The following ADAMTS12 variants were observed in gnomAD, a reference collection of about 807,000 sequenced individuals.
ADAMTS12 encodes A disintegrin and metalloproteinase with thrombospondin motifs 12.
A neutral mutation model predicts 167.8 loss-of-function variants in ADAMTS12; 118 were observed. That is an observed-to-expected ratio of 0.70 (90% CI 0.61 to 0.82). The LOEUF (loss-of-function observed/expected upper bound fraction) is 0.82. Among genes scored for constraint, ADAMTS12 ranks in the 40% least tolerant of loss-of-function variants. The pLI is 0.00. For synonymous variants in ADAMTS12, 704 were observed against 716.9 expected (o/e 0.98, Z 0.29); for missense variants, 1,916 against 1,998.8 (o/e 0.96, Z 0.79).
chr5:33,695,347 A>G (rs981483310), intron 3 of ADAMTS12, among the ~76,000 whole-genome samples: 9 of 152,218 alleles, frequency 5.9e-5, no homozygotes, highest in Non-Finnish European at 1.5e-5. Context: ...ATTTTTATCA[A>G]GTATTTTTTC....
At chr5:33,552,496 C>G (rs1342143297) in intron 20 of ADAMTS12, among the ~76,000 whole-genome samples, 1 of 152,196 alleles carries the variant, frequency 6.6e-6, no homozygotes, top group East Asian at 1.9e-4. Flanking sequence ...TACTTTCTTC[C>G]TCTCAAAGTT....
At chr5:33,644,580 T>C (rs1740589791) in intron 9 of ADAMTS12, among the ~76,000 whole-genome samples, 1 of 152,166 alleles carries the variant, frequency 6.6e-6, no homozygotes, top group South Asian at 2.1e-4. Flanking sequence ...AGTTCATTCT[T>C]ATATATTTAT....
chr5:33,717,917 A>AC (rs144917704), intron 3 of ADAMTS12, among the ~76,000 whole-genome samples: 3,937 of 152,324 alleles, frequency 0.026, 171 homozygotes, highest in African/African-American at 0.091. Flanking sequence ...CATAGCTGTG[A>AC]CCCACACTAC....
chr5:33,571,925 G>C (rs571400460), intron 19 of ADAMTS12, among the ~76,000 whole-genome samples: 11 of 152,294 alleles, frequency 7.2e-5, no homozygotes, highest in Non-Finnish European at 1.2e-4. Flanking sequence ...TATCACCACT[G>C]ATCCCACAGA....
At chr5:33,548,402 G>A (rs995463613) in intron 21 of ADAMTS12, among the ~76,000 whole-genome samples, 15 of 151,976 alleles carry the variant, frequency 9.9e-5, no homozygotes, top group African/African-American at 3.4e-4. Context: ...TATAAAATAG[G>A]GTTAAAAATG....
Position 33,649,494 on chromosome 5 carries a change from C to T in ADAMTS12, c.1334+60G>A, listed in dbSNP as rs1213120519. Reference sequence around the variant, plus strand: ...GGCATCAGCTTCTCTGTGTAAAACTCAATGCAGCTTCCAATTTAAAGAGAC... The same window carrying T: ...GGCATCAGCTTCTCTGTGTAAAACTTAATGCAGCTTCCAATTTAAAGAGAC... On this transcript the variant is annotated intron_variant, in intron 8 of 23. Coordinates refer to ENST00000504830, the MANE Select transcript of ADAMTS12 (RefSeq NM_030955.4). 29 of 1,582,530 alleles carry T rather than the reference C, an allele frequency of 1.8e-5. No homozygotes were observed. The Admixed American group carries it at 5.0e-4, about 27-fold the overall frequency.
At position 33,523,748 on chromosome 5, in the gene ADAMTS12, A is replaced by T; in HGVS notation, c.*3440T>A. On this transcript the variant is annotated 3_prime_UTR_variant, in exon 24 of 24. Coordinates refer to ENST00000504830, the MANE Select transcript of ADAMTS12 (RefSeq NM_030955.4). ...TGATGGGTAGGATTGTGCTTTACCC[A>T]CCATGTTTTTTAGTAACATAACTTA... The T allele has an allele frequency of 6.6e-6, 1 of 152,204 alleles. No individual in the cohort carries two copies. The highest frequency in any genetic ancestry group is 1.9e-4 in the East Asian group (1 of 5,200). The allele number at this position is 152,204 out of a possible 1,614,324, so 9.4% of individuals were successfully genotyped here. A position where few individuals can be genotyped will look rare whatever the true frequency, so the allele number is the denominator to read the frequency against.
intron 3 of ADAMTS12, among the ~76,000 whole-genome samples, chr5:33,712,767 T>G (rs549964385): frequency 6.6e-6 from 1 of 152,236 alleles, no homozygotes; most frequent in South Asian, 2.1e-4. Context: ...GTACTTCTTG[T>G]ACAAAGAGGT....
chr5:33,876,879 C>T lies in ADAMTS12; in HGVS notation c.489+4240G>A, dbSNP rs138596593. The stretch of plus-strand genomic sequence containing the variant: ...ACTGGGTAGAGGGTACATACTAATA[C>T]CTCTCTGAATTAGTTCTTACAAATG... On this transcript the variant is annotated intron_variant, in intron 2 of 23. Coordinates refer to ENST00000504830, the MANE Select transcript of ADAMTS12 (RefSeq NM_030955.4). 7.1e-3 allele frequency among the ~76,000 whole-genome samples: 1,075 copies of T among 152,272 alleles called. 14 individuals are homozygous for T. The highest frequency in any genetic ancestry group is 0.025 in the African/African-American group (1,031 of 41,550).
chr5:33,618,126 T>A (rs1028875759), intron 14 of ADAMTS12, among the ~76,000 whole-genome samples: 1 of 152,354 alleles, frequency 6.6e-6, no homozygotes, highest in East Asian at 1.9e-4. Context: ...ATATGCATTA[T>A]ATATTGAATT....
intron 3 of ADAMTS12, among the ~76,000 whole-genome samples, chr5:33,746,167 ACT>A (rs1744779348): frequency 6.6e-6 from 1 of 152,190 alleles, no homozygotes; most frequent in Admixed American, 6.6e-5. Context: ...TCAAGACAAG[ACT>A]CAGGCAGGTT....
intron 19 of ADAMTS12, among the ~76,000 whole-genome samples, chr5:33,573,700 T>G (rs1307126): frequency 6.6e-6 from 1 of 152,082 alleles, no homozygotes; most frequent in Non-Finnish European, 1.5e-5. Flanking sequence ...GGACTTCATG[T>G]CTAAAATACC....
At chr5:33,826,017 C>T (rs148966493) in intron 2 of ADAMTS12, among the ~76,000 whole-genome samples, 68 of 152,168 alleles carry the variant, frequency 4.5e-4, no homozygotes, top group Admixed American at 4.6e-4. Context: ...GTTGAACAGG[C>T]GGTACACATC....
intron 2 of ADAMTS12, among the ~76,000 whole-genome samples, chr5:33,822,128 T>G (rs899447202): frequency 4.6e-5 from 7 of 152,232 alleles, no homozygotes; most frequent in African/African-American, 1.7e-4. Context: ...CTTATCACCA[T>G]GGAATATTCC....
intron 2 of ADAMTS12, among the ~76,000 whole-genome samples, chr5:33,826,838 C>A (rs1460852640): frequency 6.6e-6 from 1 of 152,100 alleles, no homozygotes; most frequent in East Asian, 1.9e-4. Context: ...AACTGCAGAA[C>A]TGCAGCCATC....
intron 2 of ADAMTS12, among the ~76,000 whole-genome samples, chr5:33,791,337 C>T (rs1397092323): frequency 6.6e-6 from 1 of 152,174 alleles, no homozygotes; most frequent in African/African-American, 2.4e-5. Flanking sequence ...AGGCAAGTCA[C>T]CTAAACTTTT....
intron 11 of ADAMTS12, among the ~76,000 whole-genome samples, chr5:33,641,049 TA>T (rs1200999587): frequency 2.0e-5 from 3 of 152,016 alleles, no homozygotes; most frequent in Admixed American, 2.0e-4. Context: ...AGAAACAATA[TA>T]ATTTCCACTT....
chr5:33,601,422 A>G (rs1738182011), intron 16 of ADAMTS12, among the ~76,000 whole-genome samples: 1 of 152,124 alleles, frequency 6.6e-6, no homozygotes, highest in Non-Finnish European at 1.5e-5. Context: ...CCTGAATCCA[A>G]AGCCTCTTTG....
At chr5:33,738,327 G>T (rs1049447916) in intron 3 of ADAMTS12, among the ~76,000 whole-genome samples, 2 of 151,796 alleles carry the variant, frequency 1.3e-5, no homozygotes, top group Non-Finnish European at 2.9e-5. Context: ...TGTTTGTTTG[G>T]TTACTCAGGC....
Sources: gnomAD v4.1 joint callset for allele counts (sites outside exome capture counted in the v4.1 genomes callset) on GRCh38, gnomAD v4.1.1 for gene constraint, MANE v1.5 for transcripts, NCBI Gene and HGNC (gene_info 2026-07-23, HGNC 2026-07-21) for gene names.